The following PTPRD variants were observed in gnomAD, a reference collection of about 807,000 sequenced individuals.
PTPRD encodes protein tyrosine phosphatase receptor type D.
Under a neutral mutation model 214.5 loss-of-function variants are expected in PTPRD, and 34 were observed. The observed-to-expected ratio is 0.16, with a 90% CI of 0.12 to 0.21. PTPRD has a LOEUF of 0.21. Among genes scored for constraint, PTPRD ranks in the 10% least tolerant of loss-of-function variants. PTPRD has a pLI of 1.00. For missense variants in PTPRD, 2,545 were observed against 2,398.7 expected (o/e 1.06, Z -1.27); for synonymous variants, 1,128 against 845.7 (o/e 1.33, Z -5.79).
At chr9:9,230,178 G>T (rs947253371) in intron 9 of PTPRD, among the ~76,000 whole-genome samples, 1 of 152,218 alleles carries the variant, frequency 6.6e-6, no homozygotes, top group African/African-American at 2.4e-5. Context: ...AGACAATGGG[G>T]GTGGGTGGGT....
At chr9:8,346,388 G>A (rs993430940) in intron 39 of PTPRD, among the ~76,000 whole-genome samples, 3 of 152,076 alleles carry the variant, frequency 2.0e-5, no homozygotes, top group African/African-American at 4.8e-5. Flanking sequence ...ACATCATATA[G>A]AGTAGTCCCC....
At chr9:9,745,361 G>A (rs1450540875) in intron 6 of PTPRD, among the ~76,000 whole-genome samples, 1 of 152,026 alleles carries the variant, frequency 6.6e-6, no homozygotes, top group African/African-American at 2.4e-5. Flanking sequence ...CTGCTTCCTA[G>A]AAGTGAAATG....
chr9:8,669,319 G>T (rs541452792), intron 12 of PTPRD, among the ~76,000 whole-genome samples: 4 of 152,122 alleles, frequency 2.6e-5, no homozygotes, highest in Non-Finnish European at 5.9e-5. Flanking sequence ...TTCTTACCAT[G>T]TATCTCCTGA....
At chr9:9,054,105 C>G (rs1275559983) in intron 10 of PTPRD, among the ~76,000 whole-genome samples, 1 of 152,150 alleles carries the variant, frequency 6.6e-6, no homozygotes, top group African/African-American at 2.4e-5. Context: ...CCAAATGTCT[C>G]AGACATTGTG....
chr9:10,200,359 T>C (rs2154332646), intron 3 of PTPRD, among the ~76,000 whole-genome samples: 1 of 152,264 alleles, frequency 6.6e-6, no homozygotes, highest in South Asian at 2.1e-4. Flanking sequence ...GTGCAGACTT[T>C]TTTTATTGTC....
chr9:10,102,630 C>T (rs1045874878), intron 3 of PTPRD, among the ~76,000 whole-genome samples: 15 of 151,398 alleles, frequency 9.9e-5, no homozygotes, highest in African/African-American at 3.4e-4. Context: ...CAATTTTAGC[C>T]TCTGGATTTC....
chr9:9,020,100 C>T (rs1248998109), intron 10 of PTPRD, among the ~76,000 whole-genome samples: 5 of 152,030 alleles, frequency 3.3e-5, no homozygotes, highest in East Asian at 3.9e-4. Context: ...CTGGAGCTGA[C>T]GGATATTATT....
chr9:8,503,045 C>T (rs1035807752), intron 23 of PTPRD, among the ~76,000 whole-genome samples: 3 of 151,828 alleles, frequency 2.0e-5, no homozygotes, highest in Non-Finnish European at 4.4e-5. Flanking sequence ...TACATGCTTA[C>T]GCCTTTAAAT....
At chr9:9,862,279 A>G in intron 5 of PTPRD, among the ~76,000 whole-genome samples, 1 of 152,224 alleles carries the variant, frequency 6.6e-6, no homozygotes, top group East Asian at 1.9e-4. Flanking sequence ...ATTGCTATAA[A>G]TCCATTTAAA....
At chr9:10,419,942 C>T (rs1273530777) in intron 2 of PTPRD, among the ~76,000 whole-genome samples, 1 of 151,664 alleles carries the variant, frequency 6.6e-6, no homozygotes, top group African/African-American at 2.4e-5. Flanking sequence ...AGCTCAGCTC[C>T]ACAATTGCTC....
At chr9:9,753,938 T>G (rs1224229916) in intron 6 of PTPRD, among the ~76,000 whole-genome samples, 2 of 152,024 alleles carry the variant, frequency 1.3e-5, no homozygotes, top group Non-Finnish European at 1.5e-5. Context: ...TTTCCTCAAA[T>G]AGACTCAGAT....
At chr9:9,947,572 ATAT>A (rs1438502869) in intron 4 of PTPRD, among the ~76,000 whole-genome samples, 1 of 47,624 alleles carries the variant, frequency 2.1e-5, no homozygotes, top group Non-Finnish European at 3.3e-5. Context: ...TTTTATATAT[ATAT>A]TATATATATA....
At chr9:9,640,893 C>A (rs2095920340) in intron 7 of PTPRD, among the ~76,000 whole-genome samples, 1 of 152,232 alleles carries the variant, frequency 6.6e-6, no homozygotes, top group Non-Finnish European at 1.5e-5. Flanking sequence ...ATGCCAAGCA[C>A]TGCAGACACT....
chr9:10,199,144 A>G (rs2099409571), intron 3 of PTPRD, among the ~76,000 whole-genome samples: 1 of 151,916 alleles, frequency 6.6e-6, no homozygotes. Flanking sequence ...TGGATGCAGT[A>G]CTCACAATAT....
At chr9:8,542,602 T>C (rs1164296624) in intron 14 of PTPRD, among the ~76,000 whole-genome samples, 1 of 152,138 alleles carries the variant, frequency 6.6e-6, no homozygotes, top group African/African-American at 2.4e-5. Context: ...TGAAACAGTA[T>C]GCCTCTATGA....
intron 3 of PTPRD, among the ~76,000 whole-genome samples, chr9:10,297,573 G>C (rs997737969): frequency 3.7e-5 from 5 of 134,604 alleles, no homozygotes; most frequent in Non-Finnish European, 6.1e-5. Flanking sequence ...TCTCTGTAAT[G>C]AGTTGTGTTT....
intron 3 of PTPRD, among the ~76,000 whole-genome samples, chr9:10,066,689 C>T (rs1022214131): frequency 2.6e-5 from 4 of 151,828 alleles, no homozygotes; most frequent in African/African-American, 4.8e-5. Context: ...CAAAACGATG[C>T]TAGATTTCCC....
At chr9:8,999,738 C>G (rs2099410430) in intron 11 of PTPRD, among the ~76,000 whole-genome samples, 1 of 151,982 alleles carries the variant, frequency 6.6e-6, no homozygotes, top group Non-Finnish European at 1.5e-5. Context: ...TGTTTTTCCA[C>G]CAGAGCCAGG....
intron 9 of PTPRD, among the ~76,000 whole-genome samples, chr9:9,210,513 C>A (rs2099947845): frequency 6.6e-6 from 1 of 152,088 alleles, no homozygotes; most frequent in Admixed American, 6.5e-5. Context: ...AACTTTTGAA[C>A]TTTATTATAA....
Sources: allele counts gnomAD v4.1 joint callset (sites outside exome capture counted in the v4.1 genomes callset), GRCh38; gene constraint gnomAD v4.1.1; transcripts MANE v1.5; gene names NCBI Gene and HGNC (gene_info 2026-07-23, HGNC 2026-07-21).